GFRA2: variants seen among roughly 807,000 people sequenced by gnomAD.
GFRA2 encodes the protein GDNF family receptor alpha-2.
Under a neutral mutation model 48.3 loss-of-function variants are expected in GFRA2, and 17 were observed. The ratio of observed to expected loss-of-function variants is 0.35; its 90% confidence interval spans 0.24 to 0.53. The LOEUF (loss-of-function observed/expected upper bound fraction) is 0.53, where lower values mean the gene tolerates loss of function less well. GFRA2 is among the 20% of genes least tolerant of loss of function. The pLI is 0.93. For synonymous variants in GFRA2, 305 were observed against 257.2 expected (o/e 1.19, Z -1.78); for missense variants, 660 against 637.3 (o/e 1.04, Z -0.38).
At chr8:21,708,813 G>GA (rs1235283857) in intron 4 of GFRA2, among the ~76,000 whole-genome samples, 1 of 152,184 alleles carries the variant, frequency 6.6e-6, no homozygotes, top group African/African-American at 2.4e-5. Flanking sequence ...TCAGCCTTCA[G>GA]AAAAAAGCAT....
intron 3 of GFRA2, among the ~76,000 whole-genome samples, chr8:21,755,393 C>A (rs532395928): frequency 5.9e-5 from 9 of 152,080 alleles, no homozygotes; most frequent in South Asian, 2.1e-4. Context: ...AAAAAATAAG[C>A]CTTTTACTAC....
chr8:21,695,302 G>T (rs1802107420), intron 7 of GFRA2, among the ~76,000 whole-genome samples: 1 of 152,160 alleles, frequency 6.6e-6, no homozygotes, highest in Non-Finnish European at 1.5e-5. Flanking sequence ...ACCAGCTGGG[G>T]ATGCAGCGCT....
chr8:21,757,599 T>C (rs1298986505), intron 3 of GFRA2, among the ~76,000 whole-genome samples: 1 of 151,380 alleles, frequency 6.6e-6, no homozygotes, highest in African/African-American at 2.5e-5. Context: ...GTTCAGGCGA[T>C]TCTCCTGCCT....
chr8:21,805,916 G>C (rs1361450409), intron 1 of GFRA2, among the ~76,000 whole-genome samples: 1 of 152,232 alleles, frequency 6.6e-6, no homozygotes, highest in Non-Finnish European at 1.5e-5. Flanking sequence ...CCAAGCCCCA[G>C]TGGCTGCAGG....
intron 1 of GFRA2, among the ~76,000 whole-genome samples, chr8:21,785,156 C>G (rs957444274): frequency 2.6e-5 from 4 of 152,208 alleles, no homozygotes; most frequent in African/African-American, 9.6e-5. Flanking sequence ...GCTTAAAGGT[C>G]AGAAGATTAG....
chr8:21,723,191 C>T (rs1172305154), intron 4 of GFRA2, among the ~76,000 whole-genome samples: 2 of 152,144 alleles, frequency 1.3e-5, no homozygotes, highest in Non-Finnish European at 2.9e-5. Flanking sequence ...ATATAAAGTT[C>T]TAACACCAAG....
At chr8:21,720,127 AT>A (rs1482902925) in intron 4 of GFRA2, among the ~76,000 whole-genome samples, 1 of 141,650 alleles carries the variant, frequency 7.1e-6, no homozygotes, top group African/African-American at 2.7e-5. Context: ...TGTTACAAAG[AT>A]TCAGAGAGAT....
intron 4 of GFRA2, among the ~76,000 whole-genome samples, chr8:21,714,881 G>A (rs1299874175): frequency 2.0e-5 from 3 of 152,066 alleles, no homozygotes; most frequent in Non-Finnish European, 4.4e-5. Flanking sequence ...GGGAAAAAAG[G>A]GTTTCCAAGA....
intron 4 of GFRA2, among the ~76,000 whole-genome samples, chr8:21,736,943 G>A (rs901659412): frequency 7.1e-6 from 1 of 140,310 alleles, no homozygotes; most frequent in Non-Finnish European, 1.6e-5. Flanking sequence ...GAGGGGAGGG[G>A]AGGGGAGGCC....
At chr8:21,758,884 A>C (rs1015526243) in intron 3 of GFRA2, among the ~76,000 whole-genome samples, 1 of 151,318 alleles carries the variant, frequency 6.6e-6, no homozygotes. Flanking sequence ...GTGCACACCG[A>C]GGTGCACACA....
intron 3 of GFRA2, among the ~76,000 whole-genome samples, chr8:21,772,925 G>A (rs1170644885): frequency 6.6e-6 from 1 of 152,210 alleles, no homozygotes; most frequent in African/African-American, 2.4e-5. Flanking sequence ...TATTACTGGA[G>A]GGCAGCCCAG....
At chr8:21,699,894 C>A (rs923064454) in intron 7 of GFRA2, among the ~76,000 whole-genome samples, 26 of 152,310 alleles carry the variant, frequency 1.7e-4, no homozygotes, top group African/African-American at 6.3e-4. Flanking sequence ...CGCAGGGTGA[C>A]GCAGGAGGGT....
chr8:21,719,094 G>A (rs958976437), intron 4 of GFRA2, among the ~76,000 whole-genome samples: 1 of 152,102 alleles, frequency 6.6e-6, no homozygotes, highest in Non-Finnish European at 1.5e-5. Context: ...GTGACCATGG[G>A]AAATGACCTA....
At chr8:21,806,465 T>G (rs1308712085) in intron 1 of GFRA2, among the ~76,000 whole-genome samples, 4 of 152,214 alleles carry the variant, frequency 2.6e-5, no homozygotes, top group Non-Finnish European at 2.9e-5. Context: ...AGGTTAGGTA[T>G]ATTAAGTGCA....
intron 3 of GFRA2, among the ~76,000 whole-genome samples, chr8:21,754,853 C>G (rs1232231907): frequency 6.6e-6 from 1 of 152,066 alleles, no homozygotes; most frequent in Non-Finnish European, 1.5e-5. Context: ...GCCCTCTCTT[C>G]TTGTTATAAA....
At chr8:21,698,120 TCCCCTA>T (rs1802300472) in intron 7 of GFRA2, among the ~76,000 whole-genome samples, 1 of 152,162 alleles carries the variant, frequency 6.6e-6, no homozygotes, top group Non-Finnish European at 1.5e-5. Flanking sequence ...GAGCTTCTCA[TCCCCTA>T]GAGGCATCTG....
intron 4 of GFRA2, among the ~76,000 whole-genome samples, chr8:21,749,314 C>CTT (rs967854548): frequency 1.3e-5 from 2 of 151,760 alleles, no homozygotes; most frequent in Admixed American, 1.3e-4. Context: ...AGGCTCTGCG[C>CTT]TAAGCTTTGG....
At chr8:21,805,884 C>T (rs1260386245) in intron 1 of GFRA2, among the ~76,000 whole-genome samples, 1 of 152,206 alleles carries the variant, frequency 6.6e-6, no homozygotes, top group Non-Finnish European at 1.5e-5. Context: ...GAAACAACAG[C>T]AAATAACCAC....
intron 1 of GFRA2, among the ~76,000 whole-genome samples, chr8:21,784,883 T>G (rs1351769282): frequency 6.6e-6 from 1 of 151,924 alleles, no homozygotes; most frequent in African/African-American, 2.4e-5. Context: ...GATTCCTACC[T>G]CCCTGAGCAG....
Sources: allele counts gnomAD v4.1 joint callset (sites outside exome capture counted in the v4.1 genomes callset), GRCh38; gene constraint gnomAD v4.1.1; transcripts MANE v1.5; gene names NCBI Gene and HGNC (gene_info 2026-07-23, HGNC 2026-07-21).